The following MYH14 variants were observed in gnomAD, a reference collection of about 807,000 sequenced individuals.
The protein encoded by MYH14 is myosin heavy chain 14.
Under a neutral mutation model 255.5 loss-of-function variants are expected in MYH14, and 123 were observed. That is an observed-to-expected ratio of 0.48 (90% CI 0.42 to 0.56). The LOEUF (loss-of-function observed/expected upper bound fraction) is 0.56. Among genes scored for constraint, MYH14 ranks in the 20% least tolerant of loss-of-function variants. The probability of loss-of-function intolerance (pLI) is 0.00; values close to 1 mark genes in which losing one functional copy is unlikely to be tolerated. For synonymous variants in MYH14, 1,095 were observed against 1,161.2 expected (o/e 0.94, Z 1.16); for missense variants, 2,423 against 2,802.3 (o/e 0.86, Z 3.06).
Position 50,301,686 on chromosome 19 carries a change from C to G in MYH14, c.5495C>G (p.Ser1832Ter). Residue 1832 changes from serine (S) to a stop codon, truncating the protein, a stop_gained, in exon 40 of 43, where the codon TCA (serine) becomes TGA (stop). Coordinates refer to ENST00000642316, the MANE Select transcript of MYH14 (RefSeq NM_001145809.2). LOFTEE classifies it high-confidence loss of function. ...LQVESLTTELSAERSFSAKAE... is the reference protein window; with the variant it reads ...LQVESLTTEL ...GTAGAGTCACTGACCACAGAGCTGT[C>G]AGCTGAGCGCAGTTTCTCAGCCAAG... is the stretch of plus-strand genomic sequence containing the variant. 1.9e-6 allele frequency: 3 copies of G among 1,613,756 alleles called. No homozygotes were observed. The highest frequency in any genetic ancestry group is 2.5e-6 in the Non-Finnish European group (3 of 1,179,722).
Position 50,260,640 on chromosome 19 carries a change from T to C in MYH14, c.2355-6T>C. 1.2e-6 allele frequency: 2 copies of C among 1,610,076 alleles called. No individual in the cohort carries two copies. Among genetic ancestry groups the C allele is most frequent in the South Asian group, 2.2e-5 (2 of 90,936 alleles). On this transcript the variant is annotated splice_polypyrimidine_tract_variant and splice_region_variant and intron_variant, in intron 19 of 42. Transcript: ENST00000642316. The stretch of plus-strand genomic sequence containing the variant: ...TCTCCTCCCCACCCCTCCCTGCTCA[T>C]TGCAGATACGAGATCCTGACACCCA...
At chr19:50,225,529 C>T (rs1192355417) in intron 6 of MYH14, 56 bp from the exon 7 acceptor site, 10 of 1,428,416 alleles carry the variant, frequency 7.0e-6, no homozygotes, top group Non-Finnish European at 8.7e-6. Flanking sequence ...GCTGGGCTGG[C>T]CTGGCCTCCT....
chr19:50,286,808 A>C, intron 34 of MYH14, 114 bp downstream of exon 34: 1 of 1,050,684 alleles, frequency 9.5e-7, no homozygotes, highest in South Asian at 1.5e-5. Context: ...TCATATGTTC[A>C]TGCACAAAGA....
chr19:50,278,812 TAAAAA>T (rs10605117), intron 30 of MYH14, among the ~76,000 whole-genome samples: 1 of 131,998 alleles, frequency 7.6e-6, no homozygotes, highest in Non-Finnish European at 1.6e-5. Context: ...CTGTCTCTAC[TAAAAA>T]AAAAAAAAAA....
chr19:50,240,063 T>A (rs2033829444), intron 10 of MYH14, among the ~76,000 whole-genome samples: 1 of 152,168 alleles, frequency 6.6e-6, no homozygotes, highest in Admixed American at 6.6e-5. Flanking sequence ...GTGTTGCCTC[T>A]TCTTGGATTT....
chr19:50,259,408 G>A, intron 19 of MYH14, 143 bp downstream of exon 19: 1 of 1,151,536 alleles, frequency 8.7e-7, no homozygotes, highest in Non-Finnish European at 1.2e-6. Flanking sequence ...ACTTTGCTGA[G>A]CCTCAGTTTA....
rs376847103 is a variant in MYH14, at chr19:50,244,234, G to A, written c.1115-8G>A. ...AGCCACACGTGACCTCTGTCCTTGC[G>A]TCCCCAGCCATGCTGCGGATGGTCT... On this transcript the variant is annotated splice_polypyrimidine_tract_variant and splice_region_variant and intron_variant, in intron 10 of 42. Transcript: ENST00000642316. 34 of 1,612,982 alleles carry A rather than the reference G, an allele frequency of 2.1e-5. No individual in the cohort carries two copies. Among genetic ancestry groups the A allele is most frequent in the East Asian group, 4.5e-5 (2 of 44,882 alleles).
At position 50,203,688 on chromosome 19, in the gene MYH14, G is replaced by C. The variant is rs1457743734; in HGVS notation, c.-4+17G>C. 1 of 152,368 alleles carries C rather than the reference G, an allele frequency of 6.6e-6. No individual in the cohort carries two copies. Among genetic ancestry groups the C allele is most frequent in the African/African-American group, 2.4e-5 (1 of 41,458 alleles). The allele number at this position is 152,368 out of a possible 1,614,324, so 9.4% of individuals were successfully genotyped here. The stretch of plus-strand genomic sequence containing the variant: ...TGGAAGCCGGTGAGTGCCCGGGGCC[G>C]GCAGCCCTCCGGGGGCGGCGGAACG... On this transcript the variant is annotated intron_variant, in intron 1 of 42. Transcript: ENST00000642316.
At position 50,280,816 on chromosome 19, in the gene MYH14, C is replaced by G. The variant is rs1044869138; in HGVS notation, c.4290+433C>G. Among the ~76,000 whole-genome samples the G allele has an allele frequency of 2.6e-5, 4 of 152,232 alleles. No individual in the cohort carries two copies. The highest frequency in any genetic ancestry group is 9.6e-5 in the African/African-American group (4 of 41,466). The stretch of plus-strand genomic sequence containing the variant: ...TGCCTCTCAGTCAGGCATTGAGGCC[C>G]TGCAATCTCTGGTCCTTCCTCTGCC... On this transcript the variant is annotated intron_variant, in intron 32 of 42. Coordinates refer to ENST00000642316, the MANE Select transcript of MYH14 (RefSeq NM_001145809.2). The surrounding 1 kb of genome is among the most constrained non-coding windows in gnomAD (Gnocchi z 4.8).
At chr19:50,242,211 C>G (rs1374369572) in intron 10 of MYH14, among the ~76,000 whole-genome samples, 1 of 152,194 alleles carries the variant, frequency 6.6e-6, no homozygotes. Context: ...CTACCCACTT[C>G]CAATGCACTT....
intron 21 of MYH14, 118 bp from the exon 22 acceptor site, chr19:50,263,194 G>C (rs750129008): frequency 1.4e-6 from 1 of 724,396 alleles, no homozygotes; most frequent in African/African-American, 1.8e-5. Context: ...GCAAGACTCT[G>C]TCTCAGAAAA....
At position 50,225,591 on chromosome 19, in the gene MYH14, C is replaced by A. The variant is rs1043514694; in HGVS notation, c.724C>A (p.Leu242Met). The A allele has an allele frequency of 1.2e-6, 2 of 1,613,126 alleles. No homozygotes were observed. The highest frequency in any genetic ancestry group is 1.7e-6 in the Non-Finnish European group (2 of 1,179,610). ...ASVSTVSYGE[L>M]ERQLLQANPI... ...CATCTCCTGTGCCCGGCAGGGTGAG[C>A]TGGAGCGGCAGCTGCTTCAGGCCAA... Residue 242 changes from leucine (L) to methionine (M), a missense_variant, in exon 7 of 43, where the codon CTG (leucine) becomes ATG (methionine). By Grantham distance (15) the Leu-to-Met change is conservative (BLOSUM62 2). Coordinates refer to ENST00000642316, the MANE Select transcript of MYH14 (RefSeq NM_001145809.2).
intron 39 of MYH14, among the ~76,000 whole-genome samples, chr19:50,301,104 G>A (rs1468302103): frequency 2.0e-5 from 3 of 152,228 alleles, no homozygotes; most frequent in East Asian, 3.9e-4. Flanking sequence ...ATAAATAAAC[G>A]GGAACTATTA....
At chr19:50,236,254 G>A (rs550335888) in intron 10 of MYH14, among the ~76,000 whole-genome samples, 25 of 151,916 alleles carry the variant, frequency 1.6e-4, no homozygotes, top group African/African-American at 4.3e-4. Flanking sequence ...GATCTCTTGA[G>A]CCCGGGAGGT....
In MYH14 at chr19:50,250,496, C is replaced by G; in HGVS notation, c.1657-19C>G. 2.5e-6 allele frequency: 4 copies of G among 1,608,964 alleles called. No homozygotes were observed. The highest frequency in any genetic ancestry group is 3.4e-6 in the Non-Finnish European group (4 of 1,177,718). ...TATGTGGGGATCTGACTTACTCTCC[C>G]CCTGCTGTCAATGGCCAGGCCAACC... is the stretch of plus-strand genomic sequence containing the variant. On this transcript the variant is annotated intron_variant, in intron 14 of 42. Transcript: ENST00000642316. This position sits in a 1 kb window ranked among gnomAD's most constrained non-coding sequence, Gnocchi z 5.4.
intron 10 of MYH14, among the ~76,000 whole-genome samples, chr19:50,237,960 C>T (rs1358232730): frequency 3.3e-5 from 5 of 152,264 alleles, no homozygotes; most frequent in African/African-American, 1.2e-4. Context: ...CGTCTGACCC[C>T]AAAGCCAGCC....
intron 40 of MYH14, among the ~76,000 whole-genome samples, chr19:50,306,734 C>T (rs1469801845): frequency 6.6e-6 from 1 of 152,080 alleles, no homozygotes; most frequent in Non-Finnish European, 1.5e-5. Context: ...TGAATGGGCC[C>T]AAAGAGTAAA....
chr19:50,271,443 C>T lies in MYH14; in HGVS notation c.3068C>T (p.Ala1023Val), dbSNP rs770972513. The change falls in exon 25 of 43, where the codon GCG becomes GTG. Residue 1023 changes from alanine (A) to valine (V), a missense_variant. Physicochemically the swap from Ala to Val is moderately conservative, Grantham distance 64 (BLOSUM62 0). Transcript: ENST00000642316. ...GCCCACCTTGAGGCTGAGGAGGGTG[C>T]GCGGCAGAAGCTGCAGCTGGAGAAG... is the stretch of plus-strand genomic sequence containing the variant. ...LEAHLEAEEG[A>V]RQKLQLEKVT... The T allele has an allele frequency of 2.7e-5, 43 of 1,606,012 alleles. No homozygotes were observed. The highest frequency in any genetic ancestry group is 1.6e-4 in the East Asian group (7 of 44,624).
rs984745503 is a variant in MYH14, at chr19:50,252,990, C to T, written c.1945+237C>T. Among the ~76,000 whole-genome samples, 28 of 152,164 alleles carry T rather than the reference C, an allele frequency of 1.8e-4. No individual in the cohort carries two copies. Among genetic ancestry groups the T allele is most frequent in the Admixed American group, 6.5e-4 (10 of 15,272 alleles). ...CATCCTTCTCAAGGATAAAGCACTC[C>T]GCCTTAATCAGAAACGTGGCAAAGA... On this transcript the variant is annotated intron_variant, in intron 16 of 42. Transcript: ENST00000642316. The surrounding 1 kb of genome is among the most constrained non-coding windows in gnomAD (Gnocchi z 4.2).
Sources: allele counts gnomAD v4.1 joint callset (sites outside exome capture counted in the v4.1 genomes callset), GRCh38; gene constraint gnomAD v4.1.1; non-coding constraint Gnocchi (gnomAD v3.1); transcripts MANE v1.5; gene names NCBI Gene and HGNC (gene_info 2026-07-23, HGNC 2026-07-21).